Variants in CDH12 observed in about 807,000 individuals in gnomAD.
CDH12 encodes the protein cadherin-12.
A neutral mutation model predicts 74.1 loss-of-function variants in CDH12; 41 were observed. The ratio of observed to expected loss-of-function variants is 0.55; its 90% CI spans 0.43 to 0.72. CDH12 has a LOEUF of 0.72. Among genes scored for constraint, CDH12 ranks in the 30% least tolerant of loss-of-function variants. The probability of loss-of-function intolerance (pLI) is 0.00; values close to 1 mark genes in which losing one functional copy is unlikely to be tolerated. For synonymous variants in CDH12, 399 were observed against 355.0 expected, an observed-to-expected ratio of 1.12 and a Z score of -1.39; for missense variants, 945 against 977.2, an observed-to-expected ratio of 0.97 and a Z score of 0.44.
chr5:22,701,496 A>G lies in CDH12; in HGVS notation c.-523+151562T>C, dbSNP rs776598824. ...AAAACAAAATTGAACTTCTTATAAT[A>G]TCAAGGAAAATCCTTCATAAGCTGG... On this transcript the variant is annotated intron_variant, in intron 1 of 14. Transcript: ENST00000382254. Among the ~76,000 whole-genome samples, 12 of 152,138 alleles carry G rather than the reference A, an allele frequency of 7.9e-5. 1 individual carries two copies. Among genetic ancestry groups the G allele is most frequent in the Non-Finnish European group, 1.2e-4 (8 of 68,004 alleles).
chr5:22,223,642 T>C (rs1317027766), intron 3 of CDH12, among the ~76,000 whole-genome samples: 1 of 152,036 alleles, frequency 6.6e-6, no homozygotes, highest in East Asian at 1.9e-4. Flanking sequence ...TCTGTTCTAA[T>C]CTAGAGTAGG....
intron 3 of CDH12, among the ~76,000 whole-genome samples, chr5:22,361,279 A>G (rs550851564): frequency 1.3e-5 from 2 of 152,268 alleles, no homozygotes; most frequent in South Asian, 4.1e-4. Context: ...ATTCTTATAC[A>G]CTAATAACAG....
At chr5:22,717,924 AG>A (rs1231650830) in intron 1 of CDH12, among the ~76,000 whole-genome samples, 1 of 152,142 alleles carries the variant, frequency 6.6e-6, no homozygotes, top group Non-Finnish European at 1.5e-5. Context: ...AGAAAAAAAA[AG>A]CATCTTCTGT....
intron 4 of CDH12, among the ~76,000 whole-genome samples, chr5:22,121,066 TTA>T (rs1451691951): frequency 6.6e-6 from 1 of 152,168 alleles, no homozygotes; most frequent in African/African-American, 2.4e-5. Context: ...AACAGTGAGT[TTA>T]TGTTTCACTT....
At chr5:22,364,885 T>A (rs1285367332) in intron 3 of CDH12, among the ~76,000 whole-genome samples, 1 of 152,052 alleles carries the variant, frequency 6.6e-6, no homozygotes, top group Non-Finnish European at 1.5e-5. Context: ...ATAACAAAAT[T>A]CAAGCCTTTC....
chr5:22,052,837 A>C (rs1740469006), intron 5 of CDH12, among the ~76,000 whole-genome samples: 1 of 152,118 alleles, frequency 6.6e-6, no homozygotes. Context: ...GCCAAAAAAT[A>C]AAAACAAATT....
chr5:22,743,464 T>C (rs1745139294), intron 1 of CDH12, among the ~76,000 whole-genome samples: 1 of 151,872 alleles, frequency 6.6e-6, no homozygotes, highest in Non-Finnish European at 1.5e-5. Flanking sequence ...ATGGAAATGG[T>C]CAAATGTGTT....
chr5:21,873,824 C>T (rs1387548270), intron 6 of CDH12, among the ~76,000 whole-genome samples: 1 of 135,636 alleles, frequency 7.4e-6, no homozygotes, highest in Non-Finnish European at 1.6e-5. Context: ...AGTGTTGTTT[C>T]CCTCCCTGTG....
chr5:22,020,153 G>T (rs774394512), intron 5 of CDH12, among the ~76,000 whole-genome samples: 3 of 152,128 alleles, frequency 2.0e-5, no homozygotes, highest in Non-Finnish European at 2.9e-5. Flanking sequence ...ATGGAATAAT[G>T]ACTGCAAGAC....
chr5:21,763,343 T>C (rs1029204923), intron 12 of CDH12, among the ~76,000 whole-genome samples: 8 of 152,124 alleles, frequency 5.3e-5, no homozygotes, highest in Admixed American at 3.3e-4. Context: ...GTTTTTAGTT[T>C]CACGTAATTT....
At chr5:22,458,568 C>T (rs1273804608) in intron 2 of CDH12, among the ~76,000 whole-genome samples, 1 of 152,120 alleles carries the variant, frequency 6.6e-6, no homozygotes, top group Admixed American at 6.5e-5. Flanking sequence ...GAAAGGCCAA[C>T]AATTGGGGAT....
At chr5:21,995,672 G>A (rs931649313) in intron 5 of CDH12, among the ~76,000 whole-genome samples, 10 of 151,580 alleles carry the variant, frequency 6.6e-5, no homozygotes, top group African/African-American at 2.4e-4. Context: ...GTAATTCACA[G>A]AACACATTTA....
At chr5:22,187,837 C>T (rs1264005923) in intron 4 of CDH12, among the ~76,000 whole-genome samples, 2 of 152,120 alleles carry the variant, frequency 1.3e-5, no homozygotes, top group Admixed American at 6.5e-5. Context: ...AGTATACACG[C>T]GCTGTTCATG....
chr5:22,730,992 A>T (rs1001400379), intron 1 of CDH12, among the ~76,000 whole-genome samples: 1 of 151,918 alleles, frequency 6.6e-6, no homozygotes, highest in East Asian at 1.9e-4. Flanking sequence ...GTTGCTAAGA[A>T]TAAGGACGTG....
At chr5:22,782,282 TATC>T (rs1206966067) in intron 1 of CDH12, among the ~76,000 whole-genome samples, 1 of 152,114 alleles carries the variant, frequency 6.6e-6, no homozygotes, top group Non-Finnish European at 1.5e-5. Context: ...CCCACCCAAA[TATC>T]ATCGTGAATT....
At chr5:22,390,459 TATATAC>T (rs1157844135) in intron 3 of CDH12, among the ~76,000 whole-genome samples, 5 of 152,046 alleles carry the variant, frequency 3.3e-5, no homozygotes, top group African/African-American at 1.2e-4. Context: ...TATCTATACA[TATATAC>T]ATATAATTAT....
chr5:22,286,943 T>A (rs1737158686), intron 3 of CDH12, among the ~76,000 whole-genome samples: 1 of 152,204 alleles, frequency 6.6e-6, no homozygotes, highest in South Asian at 2.1e-4. Flanking sequence ...CCTATATGCA[T>A]CTTTAGACAT....
At chr5:21,878,429 G>T (rs540147671) in intron 6 of CDH12, among the ~76,000 whole-genome samples, 1 of 152,060 alleles carries the variant, frequency 6.6e-6, no homozygotes, top group East Asian at 1.9e-4. Flanking sequence ...CTATAAAATG[G>T]GAGGTTTGAA....
chr5:21,822,178 G>T (rs1748405458), intron 8 of CDH12, among the ~76,000 whole-genome samples: 1 of 144,902 alleles, frequency 6.9e-6, no homozygotes, highest in South Asian at 2.2e-4. Flanking sequence ...ATACAAAAGT[G>T]CATGAAACTC....
Sources: gnomAD v4.1 joint callset for allele counts (sites outside exome capture counted in the v4.1 genomes callset) on GRCh38, gnomAD v4.1.1 for gene constraint, MANE v1.5 for transcripts, NCBI Gene and HGNC (gene_info 2026-07-23, HGNC 2026-07-21) for gene names.